DLGAP2: variants seen among roughly 807,000 people sequenced by gnomAD.
DLGAP2 encodes the protein disks large-associated protein 2.
Under a neutral mutation model 100.3 loss-of-function variants are expected in DLGAP2, and 26 were observed. The ratio of observed to expected loss-of-function variants is 0.26; its 90% confidence interval spans 0.19 to 0.36. The LOEUF (loss-of-function observed/expected upper bound fraction) is 0.36. Among genes scored for constraint, DLGAP2 ranks in the 10% least tolerant of loss-of-function variants. The pLI is 1.00. For missense variants in DLGAP2, 1,858 were observed against 1,453.2 expected (o/e 1.28, Z -4.53); for synonymous variants, 886 against 630.1 (o/e 1.41, Z -6.08).
At chr8:948,863 C>G (rs1048190664) in intron 2 of DLGAP2, among the ~76,000 whole-genome samples, 7 of 152,232 alleles carry the variant, frequency 4.6e-5, no homozygotes, top group African/African-American at 1.4e-4. Flanking sequence ...TGAAGCCACT[C>G]GGGAGCCAGG....
intron 2 of DLGAP2, among the ~76,000 whole-genome samples, chr8:975,713 A>G (rs1800144961): frequency 6.6e-6 from 1 of 152,212 alleles, no homozygotes. Flanking sequence ...CAAAATAAGA[A>G]TACAGGGGGA....
chr8:1,048,321 A>G (rs1802572098), intron 2 of DLGAP2, among the ~76,000 whole-genome samples: 1 of 152,200 alleles, frequency 6.6e-6, no homozygotes, highest in South Asian at 2.1e-4. Context: ...CAGGAAGTAA[A>G]TCAAGGTGAA....
intron 2 of DLGAP2, among the ~76,000 whole-genome samples, chr8:995,613 C>G (rs1800762892): frequency 6.6e-6 from 1 of 152,166 alleles, no homozygotes. Flanking sequence ...CCCCTGTCCC[C>G]CTTAGGAAGT....
intron 2 of DLGAP2, among the ~76,000 whole-genome samples, chr8:1,220,235 G>T (rs1798290341): frequency 6.6e-6 from 1 of 152,130 alleles, no homozygotes; most frequent in African/African-American, 2.4e-5. Context: ...ACTTCTTGAT[G>T]TAATCATTTA....
intron 3 of DLGAP2, among the ~76,000 whole-genome samples, chr8:1,352,704 C>T (rs953929521): frequency 1.3e-5 from 2 of 152,186 alleles, no homozygotes; most frequent in African/African-American, 4.8e-5. Flanking sequence ...TACATGACTT[C>T]TCTGCCCTGA....
chr8:1,659,101 C>T (rs1316720110), intron 8 of DLGAP2, among the ~76,000 whole-genome samples: 1 of 152,142 alleles, frequency 6.6e-6, no homozygotes, highest in African/African-American at 2.4e-5. Context: ...GTTATTTACC[C>T]AGTAGTCATT....
At chr8:1,054,966 GA>G (rs1802834264) in intron 2 of DLGAP2, among the ~76,000 whole-genome samples, 1 of 152,230 alleles carries the variant, frequency 6.6e-6, no homozygotes, top group African/African-American at 2.4e-5. Flanking sequence ...TTTTCCTCAT[GA>G]AGCAATAATC....
chr8:1,640,683 C>T (rs866490209), intron 8 of DLGAP2, among the ~76,000 whole-genome samples: 1 of 152,050 alleles, frequency 6.6e-6, no homozygotes, highest in East Asian at 1.9e-4. Context: ...ACCCGGGACT[C>T]GGGCATGAGA....
rs1390648549 is a variant in DLGAP2 at position 1,039,544 on chromosome 8, CTTGGTGTGCGTGG to C, written c.73+131580_73+131592del. 2.8e-4 allele frequency among the ~76,000 whole-genome samples: 32 copies of C among 115,258 alleles called. 1 individual carries two copies. Among genetic ancestry groups the C allele is most frequent in the Non-Finnish European group, 4.3e-4 (25 of 58,318 alleles). 75.6% of individuals were successfully genotyped at this position (115,258 alleles called of 152,430 possible). On this transcript the variant is annotated intron_variant, in intron 2 of 14. Transcript: ENST00000637795. The stretch of plus-strand genomic sequence containing the variant: ...TGTTCAGCTCGGTGTGCGTGGTCAG[CTTGGTGTGCGTGG>C]TCAGCTTGGTGTGCGTGGTCAGCTC...
chr8:1,292,095 T>C (rs1046988134), intron 3 of DLGAP2, among the ~76,000 whole-genome samples: 5 of 152,210 alleles, frequency 3.3e-5, no homozygotes, highest in Admixed American at 1.3e-4. Flanking sequence ...TGAATTGTGG[T>C]GTGTCAGCTA....
At chr8:1,447,495 T>C (rs1263121351) in intron 3 of DLGAP2, among the ~76,000 whole-genome samples, 1 of 152,238 alleles carries the variant, frequency 6.6e-6, no homozygotes, top group African/African-American at 2.4e-5. Context: ...TGCCAGTATT[T>C]TATTGAGGAT....
chr8:921,903 G>C (rs1794800415), intron 2 of DLGAP2, among the ~76,000 whole-genome samples: 1 of 152,240 alleles, frequency 6.6e-6, no homozygotes, highest in African/African-American at 2.4e-5. Context: ...GAGACGTTCG[G>C]GCAGAAGAAC....
chr8:1,427,797 C>T (rs1228513768), intron 3 of DLGAP2, among the ~76,000 whole-genome samples: 2 of 152,138 alleles, frequency 1.3e-5, no homozygotes, highest in Non-Finnish European at 2.9e-5. Flanking sequence ...AACCGTAAGT[C>T]CAATAAGTCT....
chr8:1,279,015 T>C (rs1234470966), intron 3 of DLGAP2, among the ~76,000 whole-genome samples: 2 of 152,128 alleles, frequency 1.3e-5, no homozygotes, highest in Non-Finnish European at 2.9e-5. Flanking sequence ...AAAGAACATA[T>C]AGTAATGGGG....
At chr8:1,119,465 A>G (rs1020335154) in intron 2 of DLGAP2, among the ~76,000 whole-genome samples, 1 of 152,156 alleles carries the variant, frequency 6.6e-6, no homozygotes, top group African/African-American at 2.4e-5. Context: ...TGTACTCATC[A>G]GTTCATAAAT....
At chr8:1,118,224 T>C (rs1157457161) in intron 2 of DLGAP2, among the ~76,000 whole-genome samples, 1 of 152,192 alleles carries the variant, frequency 6.6e-6, no homozygotes, top group Non-Finnish European at 1.5e-5. Flanking sequence ...GATTCTGAAG[T>C]CCCTTATGTA....
At chr8:1,161,603 G>A (rs984282688) in intron 2 of DLGAP2, among the ~76,000 whole-genome samples, 3 of 152,236 alleles carry the variant, frequency 2.0e-5, no homozygotes, top group Admixed American at 6.5e-5. Flanking sequence ...AGAATGAGCT[G>A]ATGAGACTCG....
intron 2 of DLGAP2, among the ~76,000 whole-genome samples, chr8:1,258,441 G>A (rs1452676776): frequency 6.6e-6 from 1 of 152,002 alleles, no homozygotes; most frequent in East Asian, 1.9e-4. Flanking sequence ...CGGTGGGTGG[G>A]GGGGAAGAGG....
intron 2 of DLGAP2, among the ~76,000 whole-genome samples, chr8:977,237 T>C (rs1237579426): frequency 6.6e-6 from 1 of 152,250 alleles, no homozygotes; most frequent in East Asian, 1.9e-4. Context: ...TGCCTCTGTC[T>C]GTACCTGGTT....
Sources: gnomAD v4.1 joint callset for allele counts (sites outside exome capture counted in the v4.1 genomes callset) on GRCh38, gnomAD v4.1.1 for gene constraint, MANE v1.5 for transcripts, NCBI Gene and HGNC (gene_info 2026-07-23, HGNC 2026-07-21) for gene names.